The following ARHGAP44 variants were observed in gnomAD, a reference collection of about 807,000 sequenced individuals.
ARHGAP44 encodes the protein rho GTPase-activating protein 44.
A neutral mutation model predicts 106.8 loss-of-function variants in ARHGAP44; 43 were observed. The observed-to-expected ratio is 0.40, with a 90% CI of 0.32 to 0.52. ARHGAP44 has a LOEUF of 0.52. ARHGAP44 is among the 20% of genes least tolerant of loss of function. The pLI is 0.48. For synonymous variants in ARHGAP44, 439 were observed against 410.3 expected (o/e 1.07, Z -0.85); for missense variants, 866 against 1,050.5 (o/e 0.82, Z 2.43).
intron 1 of ARHGAP44, among the ~76,000 whole-genome samples, chr17:12,835,116 G>T (rs1231947703): frequency 1.3e-5 from 2 of 152,162 alleles, no homozygotes; most frequent in East Asian, 1.9e-4. Flanking sequence ...ACATCCCATA[G>T]AAACCCTTTT....
chr17:12,907,302 G>T (rs1041277009), intron 3 of ARHGAP44, among the ~76,000 whole-genome samples: 2 of 152,086 alleles, frequency 1.3e-5, no homozygotes, highest in African/African-American at 4.8e-5. Context: ...CCTGGGGAAC[G>T]GATCATGCTA....
At chr17:12,926,749 C>A (rs904857579) in intron 6 of ARHGAP44, among the ~76,000 whole-genome samples, 1 of 151,228 alleles carries the variant, frequency 6.6e-6, no homozygotes, top group African/African-American at 2.4e-5. Flanking sequence ...AAATTTAATC[C>A]TGAGTTACAA....
chr17:12,811,964 CT>C (rs2034453110), intron 1 of ARHGAP44, among the ~76,000 whole-genome samples: 1 of 152,190 alleles, frequency 6.6e-6, no homozygotes, highest in Admixed American at 6.5e-5. Flanking sequence ...CTGTTTCCAA[CT>C]GTATTCACAT....
intron 1 of ARHGAP44, among the ~76,000 whole-genome samples, chr17:12,795,468 A>T (rs1461870175): frequency 2.6e-5 from 4 of 152,064 alleles, no homozygotes; most frequent in Non-Finnish European, 5.9e-5. Context: ...CCATGCTCTT[A>T]AATAGCAATT....
At chr17:12,897,003 A>G (rs1394854561) in intron 3 of ARHGAP44, among the ~76,000 whole-genome samples, 4 of 152,230 alleles carry the variant, frequency 2.6e-5, no homozygotes, top group African/African-American at 7.2e-5. Context: ...AGCCTGCTAA[A>G]TAAAGCTTCT....
chr17:12,949,620 T>G lies in ARHGAP44; in HGVS notation c.974-29T>G, dbSNP rs370189247. ...TCTTGCCTCTGCCACATCATAACAGTTCACAACCAATATTTCATTCATGCC... is the reference window on the plus strand; with the variant it reads ...TCTTGCCTCTGCCACATCATAACAGGTCACAACCAATATTTCATTCATGCC... On this transcript the variant is annotated intron_variant, in intron 11 of 20. Coordinates refer to ENST00000379672, the MANE Select transcript of ARHGAP44 (RefSeq NM_014859.6). This position sits in a 1 kb window ranked among gnomAD's most constrained non-coding sequence, Gnocchi z 4.1. 4.1e-5 allele frequency: 66 copies of G among 1,609,578 alleles called. No homozygotes were observed. The African/African-American group carries it at 8.3e-4, about 20-fold the overall frequency.
intron 6 of ARHGAP44, among the ~76,000 whole-genome samples, chr17:12,928,479 GATATGTTAACTAGCTTGATTTAATC>G (rs1158535117): frequency 6.6e-6 from 1 of 152,170 alleles, no homozygotes; most frequent in Non-Finnish European, 1.5e-5. Flanking sequence ...TGAGGTGATG[GATATGTTAACTAGCTTGATTTAATC>G]ATTCCATACT....
intron 16 of ARHGAP44, 128 bp downstream of exon 16, chr17:12,959,025 G>A: frequency 8.8e-7 from 1 of 1,142,712 alleles, no homozygotes. Context: ...GTGACTCGTA[G>A]CAATTAAACT....
At chr17:12,825,904 A>G (rs1163156021) in intron 1 of ARHGAP44, among the ~76,000 whole-genome samples, 1 of 152,142 alleles carries the variant, frequency 6.6e-6, no homozygotes, top group Non-Finnish European at 1.5e-5. Context: ...TGAGAGCGTT[A>G]ACTTTCTACT....
At chr17:12,975,795 C>T (rs1446557714) in intron 18 of ARHGAP44, among the ~76,000 whole-genome samples, 1 of 69,406 alleles carries the variant, frequency 1.4e-5, no homozygotes, top group African/African-American at 5.8e-5. Flanking sequence ...GACTCCGTCT[C>T]AAAAAAAAAA....
rs1448620040 is a variant in ARHGAP44 at position 12,949,612 on chromosome 17, C to T, written c.974-37C>T. The T allele has an allele frequency of 1.2e-6, 2 of 1,602,908 alleles. No homozygotes were observed. The highest frequency in any genetic ancestry group is 2.2e-5 in the South Asian group (2 of 90,672). On this transcript the variant is annotated intron_variant, in intron 11 of 20. Coordinates refer to ENST00000379672, the MANE Select transcript of ARHGAP44 (RefSeq NM_014859.6). The surrounding 1 kb of genome is among the most constrained non-coding windows in gnomAD (Gnocchi z 4.1). ...CTGGTGGGTCTTGCCTCTGCCACATCATAACAGTTCACAACCAATATTTCA... is the reference window on the plus strand; with the variant it reads ...CTGGTGGGTCTTGCCTCTGCCACATTATAACAGTTCACAACCAATATTTCA...
intron 1 of ARHGAP44, among the ~76,000 whole-genome samples, chr17:12,826,929 G>A (rs979941929): frequency 6.6e-6 from 1 of 152,140 alleles, no homozygotes; most frequent in Non-Finnish European, 1.5e-5. Flanking sequence ...CAGCTTGAGT[G>A]TGCTTTCTTC....
At position 12,990,471 on chromosome 17, in the gene ARHGAP44, A is replaced by G; in HGVS notation, c.*300A>G. 1 of 318,576 alleles carries G rather than the reference A, an allele frequency of 3.1e-6. No individual in the cohort carries two copies. Among genetic ancestry groups the G allele is most frequent in the South Asian group, 3.7e-5 (1 of 27,276 alleles). 19.7% of individuals were successfully genotyped at this position (318,576 alleles called of 1,614,324 possible). A position where few individuals can be genotyped will look rare whatever the true frequency, so the allele number is the denominator to read the frequency against. ...CATGCCAGAAAACACCCACCTCTCC[A>G]TCCAAGGCTGGTCAGGAACGTCCTT... is the stretch of plus-strand genomic sequence containing the variant. On this transcript the variant is annotated 3_prime_UTR_variant, in exon 21 of 21. Transcript: ENST00000379672.
chr17:12,951,983 A>ACT (rs1171358154), intron 12 of ARHGAP44, among the ~76,000 whole-genome samples: 18 of 152,196 alleles, frequency 1.2e-4, no homozygotes, highest in African/African-American at 4.3e-4. Context: ...AGGCCAACTC[A>ACT]GCAGGACACA....
At chr17:12,841,373 C>T (rs1039839467) in intron 1 of ARHGAP44, among the ~76,000 whole-genome samples, 2 of 151,864 alleles carry the variant, frequency 1.3e-5, no homozygotes, top group Admixed American at 6.6e-5. Flanking sequence ...CCAAGGCAGG[C>T]AGATTGCTTG....
At chr17:12,903,770 C>G (rs1256392389) in intron 3 of ARHGAP44, among the ~76,000 whole-genome samples, 2 of 152,044 alleles carry the variant, frequency 1.3e-5, no homozygotes, top group Admixed American at 1.3e-4. Flanking sequence ...CCCCTGAGTC[C>G]CCAGAGTCCA....
chr17:12,924,056 C>T (rs2038164955), intron 6 of ARHGAP44, among the ~76,000 whole-genome samples: 1 of 152,214 alleles, frequency 6.6e-6, no homozygotes, highest in Non-Finnish European at 1.5e-5. Flanking sequence ...GTATGCTCTG[C>T]AGCACTGCAA....
intron 1 of ARHGAP44, among the ~76,000 whole-genome samples, chr17:12,811,974 A>C (rs922352044): frequency 6.6e-6 from 1 of 152,194 alleles, no homozygotes. Context: ...CTGTATTCAC[A>C]TTCTCAGGTT....
intron 1 of ARHGAP44, among the ~76,000 whole-genome samples, chr17:12,796,260 A>G (rs2033917631): frequency 6.6e-6 from 1 of 152,126 alleles, no homozygotes; most frequent in African/African-American, 2.4e-5. Context: ...TCCCATGTCA[A>G]TAACTGTTAA....
Sources: gnomAD v4.1 joint callset for allele counts (sites outside exome capture counted in the v4.1 genomes callset) on GRCh38, gnomAD v4.1.1 for gene constraint, Gnocchi (gnomAD v3.1) non-coding constraint, MANE v1.5 for transcripts, NCBI Gene and HGNC (gene_info 2026-07-23, HGNC 2026-07-21) for gene names.